The following SYMPK variants were observed in gnomAD, a reference collection of about 807,000 sequenced individuals.
The protein encoded by SYMPK is symplekin scaffold protein, also known as symplekin.
Under a neutral mutation model 136.4 loss-of-function variants are expected in SYMPK, and 49 were observed. The ratio of observed to expected loss-of-function variants is 0.36; its 90% confidence interval spans 0.29 to 0.46. The LOEUF (loss-of-function observed/expected upper bound fraction) is 0.46. SYMPK is among the 20% of genes least tolerant of loss of function. The pLI, the probability that SYMPK is intolerant of heterozygous loss-of-function variation, is 1.00. For synonymous variants in SYMPK, 766 were observed against 713.0 expected (o/e 1.07, Z -1.19); for missense variants, 1,365 against 1,690.0 (o/e 0.81, Z 3.37).
At position 45,816,181 on chromosome 19, in the gene SYMPK, A is replaced by G; in HGVS notation, c.3357T>C (p.Asp1119=). The G allele has an allele frequency of 6.5e-7, 1 of 1,527,050 alleles. No homozygotes were observed. Among genetic ancestry groups the G allele is most frequent in the Non-Finnish European group, 8.8e-7 (1 of 1,134,688 alleles). The allele number at this position is 1,527,050 out of a possible 1,614,324, so 94.6% of individuals were successfully genotyped here. Residue 1119 remains aspartate (D), a splice_region_variant and synonymous_variant, in exon 26 of 27, where the codon GAT becomes GAC. Transcript: ENST00000245934. ...KEAPAGPLEE[D]DLEPLTLAPA... is the part of the protein sequence containing the mutation. ...GGGCCAAGGTCAGGGGCTCCAGATCATCCTGGGGATAGGGAGGGCCACACA... is the reference window on the plus strand; with the variant it reads ...GGGCCAAGGTCAGGGGCTCCAGATCGTCCTGGGGATAGGGAGGGCCACACA...
intron 14 of SYMPK, 164 bp downstream of exon 14, chr19:45,828,806 G>T: frequency 1.5e-6 from 1 of 660,962 alleles, no homozygotes; most frequent in South Asian, 1.9e-5. Context: ...CTACAACCTT[G>T]AACGTGCCTC....
chr19:45,820,314 T>G (rs998688261), intron 22 of SYMPK: 3 of 152,294 alleles, frequency 2.0e-5, no homozygotes, highest in Non-Finnish European at 4.4e-5. Context: ...CCTATGAGCC[T>G]GGAGATCTTT....
intron 23 of SYMPK, among the ~76,000 whole-genome samples, chr19:45,817,417 C>CT (rs559430104): frequency 0.041 from 4,460 of 108,188 alleles, 362 homozygotes; most frequent in Non-Finnish European, 0.058. Flanking sequence ...TTTTTGTTCT[C>CT]TTTTTTTTTT....
At chr19:45,843,678 G>A in intron 8 of SYMPK, among the ~76,000 whole-genome samples, 1 of 152,094 alleles carries the variant, frequency 6.6e-6, no homozygotes, top group Non-Finnish European at 1.5e-5. Flanking sequence ...CGGGTGCAGT[G>A]GCTCACACCT....
chr19:45,844,157 A>C lies in SYMPK; in HGVS notation c.720T>G (p.Leu240=). 1 of 1,611,710 alleles carries C rather than the reference A, an allele frequency of 6.2e-7. No individual in the cohort carries two copies. Residue 240 remains leucine (L), a synonymous_variant, in exon 8 of 27, where the codon CTT becomes CTG. Transcript: ENST00000245934. ...EEGKAALEQL[L]KFMVHPAISS... ...AGATGGCAGGGTGCACCATGAACTT[A>C]AGCAGCTGCTCCAAGGCTGCCTTGC...
At chr19:45,853,431 G>C (rs944410051) in intron 3 of SYMPK, among the ~76,000 whole-genome samples, 2 of 152,096 alleles carry the variant, frequency 1.3e-5, no homozygotes, top group Non-Finnish European at 2.9e-5. Context: ...TTGAGCTCAC[G>C]AGTTTGAGAC....
chr19:45,862,247 G>T (rs1971983736), intron 1 of SYMPK, among the ~76,000 whole-genome samples: 1 of 151,936 alleles, frequency 6.6e-6, no homozygotes, highest in African/African-American at 2.4e-5. Flanking sequence ...AGAACATTTG[G>T]GATGCGTGTA....
chr19:45,847,269 A>C (rs1971585035), intron 7 of SYMPK, among the ~76,000 whole-genome samples: 1 of 151,934 alleles, frequency 6.6e-6, no homozygotes, highest in Non-Finnish European at 1.5e-5. Context: ...ATAATTTTTA[A>C]AAAAATTGGC....
intron 16 of SYMPK, among the ~76,000 whole-genome samples, chr19:45,826,892 C>T (rs1344813335): frequency 6.6e-6 from 1 of 152,196 alleles, no homozygotes; most frequent in Non-Finnish European, 1.5e-5. Flanking sequence ...CTGCAGGCAA[C>T]GATGGGTCAA....
At position 45,852,189 on chromosome 19, in the gene SYMPK, G is replaced by A. The variant is rs375533704; in HGVS notation, c.299+123C>T. Reference sequence around the variant, plus strand: ...TATTTGCTGGGGAATCAGTGTGTATGAGAGAGAGAAAGGGTCTGGGAAGCA... The same window carrying A: ...TATTTGCTGGGGAATCAGTGTGTATAAGAGAGAGAAAGGGTCTGGGAAGCA... On this transcript the variant is annotated intron_variant, in intron 5 of 26. Transcript: ENST00000245934. The A allele has an allele frequency of 2.8e-4, 276 of 974,490 alleles. 3 individuals are homozygous for A. In the South Asian group the frequency reaches 3.1e-3, roughly 11 times the overall value. The allele number at this position is 974,490 out of a possible 1,614,324, so 60.4% of individuals were successfully genotyped here. A position where few individuals can be genotyped will look rare whatever the true frequency, so the allele number is the denominator to read the frequency against.
chr19:45,834,910 C>T (rs577107909), intron 11 of SYMPK, among the ~76,000 whole-genome samples, 168 bp downstream of exon 11: 2 of 152,312 alleles, frequency 1.3e-5, no homozygotes, highest in South Asian at 4.1e-4. Flanking sequence ...ATTCCAAAGC[C>T]CAGGACTTAA....
chr19:45,841,768 G>T (rs1374377541), intron 9 of SYMPK, among the ~76,000 whole-genome samples: 1 of 151,940 alleles, frequency 6.6e-6, no homozygotes, highest in East Asian at 1.9e-4. Flanking sequence ...CTAAAACAAA[G>T]GAATGAAAGA....
chr19:45,825,096 G>T, intron 18 of SYMPK, 75 bp downstream of exon 18: 1 of 1,550,008 alleles, frequency 6.5e-7, no homozygotes, highest in Non-Finnish European at 8.7e-7. Flanking sequence ...GGTGGAGCAG[G>T]TTGGGGAAGA....
intron 7 of SYMPK, 33 bp downstream of exon 7, chr19:45,847,719 C>A: frequency 6.3e-7 from 1 of 1,593,102 alleles, no homozygotes; most frequent in Non-Finnish European, 8.6e-7. Flanking sequence ...TGGTGCAGGG[C>A]TGTCAGGGGT....
intron 11 of SYMPK, among the ~76,000 whole-genome samples, chr19:45,833,018 CA>C (rs11392482): frequency 6.6e-4 from 82 of 124,948 alleles, no homozygotes; most frequent in East Asian, 2.4e-3. Flanking sequence ...GACTCCATCT[CA>C]AAAAAAAAAA....
chr19:45,836,851 C>A (rs954315710), intron 10 of SYMPK, among the ~76,000 whole-genome samples: 2 of 151,898 alleles, frequency 1.3e-5, no homozygotes, highest in Admixed American at 6.6e-5. Flanking sequence ...GCTATGTTGC[C>A]AAGGCTACAC....
At chr19:45,825,514 C>T (rs571252576) in intron 17 of SYMPK, among the ~76,000 whole-genome samples, 183 bp from the exon 18 acceptor site, 14 of 152,182 alleles carry the variant, frequency 9.2e-5, no homozygotes, top group Non-Finnish European at 2.1e-4. Context: ...TCCAGCCTCC[C>T]GTGACTGCCA....
chr19:45,861,700 G>A (rs1257324357), intron 1 of SYMPK, among the ~76,000 whole-genome samples: 1 of 151,098 alleles, frequency 6.6e-6, no homozygotes, highest in Non-Finnish European at 1.5e-5. Context: ...TCACGCCACT[G>A]CACTCCAGCC....
Position 45,815,511 on chromosome 19 carries a change from T to TA in SYMPK, c.*48_*49insT. 5 of 1,012,788 alleles carry TA rather than the reference T, an allele frequency of 4.9e-6. No individual in the cohort carries two copies. Among genetic ancestry groups the TA allele is most frequent in the Non-Finnish European group, 6.8e-6 (5 of 736,548 alleles). The allele number at this position is 1,012,788 out of a possible 1,614,324, so 62.7% of individuals were successfully genotyped here. ...CACCCGCAGGTCAAGCCCCGCCCCG[T>TA]CCCCCAGCCCCGAGTCCCTGTCCCA... On this transcript the variant is annotated 3_prime_UTR_variant, in exon 27 of 27. Coordinates refer to ENST00000245934, the MANE Select transcript of SYMPK (RefSeq NM_004819.3).
Sources: allele counts gnomAD v4.1 joint callset (sites outside exome capture counted in the v4.1 genomes callset), GRCh38; gene constraint gnomAD v4.1.1; transcripts MANE v1.5; gene names NCBI Gene and HGNC (gene_info 2026-07-23, HGNC 2026-07-21).